Variants in CEP192 observed in about 807,000 individuals in gnomAD.
CEP192 encodes the protein centrosomal protein of 192 kDa.
In CEP192, 151 loss-of-function variants were observed where a neutral mutation model predicts 271.8. That is an observed-to-expected ratio of 0.56 (90% confidence interval 0.49 to 0.64). The LOEUF (loss-of-function observed/expected upper bound fraction) is 0.64, where lower values mean the gene tolerates loss of function less well. Among genes scored for constraint, CEP192 ranks in the 30% least tolerant of loss-of-function variants. The probability of loss-of-function intolerance (pLI) is 0.00; values close to 1 mark genes in which losing one functional copy is unlikely to be tolerated. For missense variants in CEP192, 2,910 were observed against 3,020.5 expected (o/e 0.96, Z 0.86); for synonymous variants, 995 against 1,076.5 (o/e 0.92, Z 1.48).
chr18:13,069,082 C>T lies in CEP192; in HGVS notation c.4963-7C>T. ...CGTTGAAATGTCTGTCTTGCCCCAT[C>T]CTCCAGACGATGCATTTCTTGGCCA... On this transcript the variant is annotated splice_polypyrimidine_tract_variant and splice_region_variant and intron_variant, in intron 25 of 44. Transcript: ENST00000506447. The T allele has an allele frequency of 1.9e-6, 3 of 1,614,080 alleles. No homozygotes were observed. Among genetic ancestry groups the T allele is most frequent in the Non-Finnish European group, 2.5e-6 (3 of 1,179,930 alleles).
chr18:13,026,355 A>T (rs2035299772), intron 9 of CEP192, among the ~76,000 whole-genome samples: 1 of 151,146 alleles, frequency 6.6e-6, no homozygotes, highest in South Asian at 2.1e-4. Context: ...GTTTTTATTT[A>T]TTTTTTTCCA....
At chr18:13,054,146 G>A (rs935026615) in intron 18 of CEP192, among the ~76,000 whole-genome samples, 5 of 152,160 alleles carry the variant, frequency 3.3e-5, no homozygotes, top group African/African-American at 1.2e-4. Context: ...TGTTTTAAAA[G>A]CTCACTCCAA....
chr18:13,111,540 C>T (rs1032845306), intron 40 of CEP192, among the ~76,000 whole-genome samples: 4 of 152,226 alleles, frequency 2.6e-5, no homozygotes, highest in East Asian at 1.9e-4. Flanking sequence ...CTCTAAAAGA[C>T]AACATAGGAA....
At chr18:13,107,154 C>T (rs1298888667) in intron 40 of CEP192, among the ~76,000 whole-genome samples, 1 of 152,070 alleles carries the variant, frequency 6.6e-6, no homozygotes, top group Non-Finnish European at 1.5e-5. Flanking sequence ...TTAAACTAAG[C>T]GAGCATTTTG....
chr18:13,111,394 G>A (rs943625883), intron 40 of CEP192, among the ~76,000 whole-genome samples: 2 of 152,128 alleles, frequency 1.3e-5, no homozygotes, highest in Admixed American at 1.3e-4. Context: ...CAAAGTGCTG[G>A]GATTGCAGGC....
chr18:13,077,279 A>G (rs959008687), intron 30 of CEP192, among the ~76,000 whole-genome samples: 1 of 152,214 alleles, frequency 6.6e-6, no homozygotes, highest in African/African-American at 2.4e-5. Flanking sequence ...TTCAAACTCC[A>G]CAATGCTCCA....
intron 1 of CEP192, among the ~76,000 whole-genome samples, chr18:12,997,113 C>T (rs951082625): frequency 3.9e-5 from 6 of 151,992 alleles, no homozygotes; most frequent in South Asian, 2.1e-4. Context: ...GGAAGGGGGC[C>T]GATTGGTAGA....
At chr18:12,994,432 G>A (rs1468642721) in intron 1 of CEP192, among the ~76,000 whole-genome samples, 4 of 152,158 alleles carry the variant, frequency 2.6e-5, no homozygotes, top group Non-Finnish European at 1.5e-5. Flanking sequence ...GAGCCTGAGA[G>A]GGTGGGAGAG....
Position 13,004,967 on chromosome 18 carries a change from G to A in CEP192, c.290+3385G>A, listed in dbSNP as rs533779375. 4.6e-5 allele frequency among the ~76,000 whole-genome samples: 7 copies of A among 152,276 alleles called. No homozygotes were observed. The South Asian group carries it at 1.0e-3, about 23-fold the overall frequency. On this transcript the variant is annotated intron_variant, in intron 3 of 44. Transcript: ENST00000506447. ...GAGGGTATGGACAGGGGCAGGGAGA[G>A]TGATGTGGTGGTACAGATGGGTTGG...
rs780115533 is a variant in CEP192, at chr18:13,059,107, T to C, written c.4283T>C (p.Leu1428Ser). The C allele has an allele frequency of 1.2e-6, 2 of 1,613,840 alleles. No individual in the cohort carries two copies. Among genetic ancestry groups the C allele is most frequent in the East Asian group, 2.2e-5 (1 of 44,872 alleles). Residue 1428 changes from leucine (L) to serine (S), a missense_variant, in exon 21 of 45, where the codon TTA becomes TCA. Transcript: ENST00000506447. ...EKVDLSTYRC[L>S]VFKNKAIIRP... ...GTGGATCTTTCAACATATCGTTGTT[T>C]AGTTTTCAAGAATAAAGCCATCATA...
At chr18:13,043,033 T>C (rs2036291149) in intron 15 of CEP192, among the ~76,000 whole-genome samples, 1 of 152,228 alleles carries the variant, frequency 6.6e-6, no homozygotes, top group Non-Finnish European at 1.5e-5. Flanking sequence ...TTCAAGAGTG[T>C]GTGCTTCCTG....
At chr18:13,117,741 C>T in intron 44 of CEP192, 98 bp downstream of exon 44, 1 of 837,708 alleles carries the variant, frequency 1.2e-6, no homozygotes, top group Non-Finnish European at 2.0e-6. Context: ...GCAGGTCCTC[C>T]ATATTCCTCA....
intron 9 of CEP192, among the ~76,000 whole-genome samples, chr18:13,021,038 T>C (rs1450336210): frequency 1.3e-5 from 2 of 152,186 alleles, no homozygotes; most frequent in Non-Finnish European, 1.5e-5. Context: ...TTTCTTGATA[T>C]TGTCCTTTCA....
At chr18:13,027,173 G>C (rs2035349911) in intron 9 of CEP192, among the ~76,000 whole-genome samples, 1 of 152,128 alleles carries the variant, frequency 6.6e-6, no homozygotes, top group Non-Finnish European at 1.5e-5. Context: ...CTGGAGTTGG[G>C]TATTTAACTT....
At chr18:13,022,839 T>G (rs898100957) in intron 9 of CEP192, among the ~76,000 whole-genome samples, 1 of 152,234 alleles carries the variant, frequency 6.6e-6, no homozygotes, top group South Asian at 2.1e-4. Context: ...TCTCTATTTA[T>G]TTGGTTTTCT....
chr18:13,122,905 T>C (rs183825870), intron 44 of CEP192, among the ~76,000 whole-genome samples: 64 of 152,302 alleles, frequency 4.2e-4, no homozygotes, highest in Admixed American at 1.4e-3. Context: ...AAGTACTTTT[T>C]AAAATATATC....
At chr18:13,054,946 C>T (rs1250505682) in intron 18 of CEP192, among the ~76,000 whole-genome samples, 2 of 152,096 alleles carry the variant, frequency 1.3e-5, no homozygotes, top group African/African-American at 4.8e-5. Context: ...TAGAGCCACA[C>T]AAGTTTAGAA....
intron 3 of CEP192, 133 bp from the exon 4 acceptor site, chr18:13,008,323 A>G (rs2034107429): frequency 1.5e-6 from 1 of 666,038 alleles, no homozygotes; most frequent in Non-Finnish European, 2.6e-6. Flanking sequence ...TTCTGGCTAG[A>G]CTCAAATGTT....
At chr18:13,066,836 A>AC (rs1167842824) in intron 21 of CEP192, among the ~76,000 whole-genome samples, 2 of 152,112 alleles carry the variant, frequency 1.3e-5, no homozygotes, top group African/African-American at 4.8e-5. Context: ...AAGCTCTACC[A>AC]CCTTGAGCGC....
Sources: gnomAD v4.1 joint callset for allele counts (sites outside exome capture counted in the v4.1 genomes callset) on GRCh38, gnomAD v4.1.1 for gene constraint, MANE v1.5 for transcripts, NCBI Gene and HGNC (gene_info 2026-07-23, HGNC 2026-07-21) for gene names.